SLAMF8: variants seen among roughly 807,000 people sequenced by gnomAD.
The protein encoded by SLAMF8 is SLAM family member 8.
A neutral mutation model predicts 29.0 loss-of-function variants in SLAMF8; 23 were observed. That is an observed-to-expected ratio of 0.79 (90% confidence interval 0.57 to 1.13). The LOEUF is 1.13. SLAMF8 is among the 50% of genes most tolerant of loss of function. The pLI, the probability that SLAMF8 is intolerant of heterozygous loss-of-function variation, is 0.00. For missense variants in SLAMF8, 381 were observed against 353.1 expected (o/e 1.08, Z -0.63); for synonymous variants, 139 against 145.6 (o/e 0.96, Z 0.32).
chr1:159,832,624 T>C (rs942924421), intron 2 of SLAMF8, among the ~76,000 whole-genome samples: 2 of 152,170 alleles, frequency 1.3e-5, no homozygotes, highest in African/African-American at 4.8e-5. Flanking sequence ...TGCAAATTAA[T>C]TAGGATGAGC....
intron 1 of SLAMF8, among the ~76,000 whole-genome samples, chr1:159,828,073 A>T (rs1663738016): frequency 6.6e-6 from 1 of 152,182 alleles, no homozygotes; most frequent in Non-Finnish European, 1.5e-5. Flanking sequence ...ACCTCAAGTG[A>T]TCCGCCCTCC....
In SLAMF8 at chr1:159,833,250, C is replaced by T; in HGVS notation, c.674-12C>T. 2 of 1,614,198 alleles carry T rather than the reference C, an allele frequency of 1.2e-6. No homozygotes were observed. The highest frequency in any genetic ancestry group is 1.7e-6 in the Non-Finnish European group (2 of 1,180,012). On this transcript the variant is annotated splice_polypyrimidine_tract_variant and intron_variant, in intron 3 of 4. Transcript: ENST00000289707. ...ATCAAGTCCACCTCTAACCCCACCC[C>T]TCCATGTTCAGCACCAGGGAAGGCC...
At chr1:159,830,263 A>G (rs1647403488) in intron 2 of SLAMF8, 71 bp downstream of exon 2, 4 of 1,456,542 alleles carry the variant, frequency 2.7e-6, no homozygotes, top group Admixed American at 2.4e-5. Context: ...CCTGAGTCAT[A>G]GCAGCCAGGG....
chr1:159,827,932 C>G (rs1363078847), intron 1 of SLAMF8, among the ~76,000 whole-genome samples: 1 of 151,992 alleles, frequency 6.6e-6, no homozygotes, highest in East Asian at 1.9e-4. Context: ...CTCCTGGGTT[C>G]AAGCGATTCT....
Position 159,829,984 on chromosome 1 carries a change from C to G in SLAMF8, c.159C>G (p.Leu53=), listed in dbSNP as rs1647358671. The G allele has an allele frequency of 6.2e-7, 1 of 1,614,156 alleles. No homozygotes were observed. The highest frequency in any genetic ancestry group is 8.5e-7 in the Non-Finnish European group (1 of 1,180,068). ...TCCGTGAGGCTATCTGGCGATCTCT[C>G]TGGCCTTCAGAAGAGCTCCTGGCCA... is the stretch of plus-strand genomic sequence containing the variant. ...FQVREAIWRS[L]WPSEELLATF... Residue 53 remains leucine, a synonymous_variant, in exon 2 of 5, where the codon CTC becomes CTG. Coordinates refer to ENST00000289707, the MANE Select transcript of SLAMF8 (RefSeq NM_020125.3).
Position 159,830,326 on chromosome 1 carries a change from A to T in SLAMF8, c.367+134A>T, listed in dbSNP as rs141870216. 3,251 of 948,302 alleles carry T rather than the reference A, an allele frequency of 3.4e-3. 11 individuals carry two copies. The highest frequency in any genetic ancestry group is 4.4e-3 in the Non-Finnish European group (2,932 of 663,506). The allele number at this position is 948,302 out of a possible 1,614,324, so 58.7% of individuals were successfully genotyped here. A position where few individuals can be genotyped will look rare whatever the true frequency, so the allele number is the denominator to read the frequency against. ...TCTGACCATGTTGCCGACTCAGGGA[A>T]CAGCTGCTCCCTGGCAGTCACGTCT... On this transcript the variant is annotated intron_variant, in intron 2 of 4. Transcript: ENST00000289707.
rs974399431 is a variant in SLAMF8 at position 159,836,822 on chromosome 1, CCCTTTCCCACA to C, written c.*1565_*1575del. 9.3e-5 allele frequency: 92 copies of C among 985,470 alleles called. No individual in the cohort carries two copies. The African/African-American group carries it at 1.5e-3, about 16-fold the overall frequency. The allele number at this position is 985,470 out of a possible 1,614,324, so 61.0% of individuals were successfully genotyped here. A position where few individuals can be genotyped will look rare whatever the true frequency, so the allele number is the denominator to read the frequency against. ...TAACCTGGCTTTATCAAATTCTCAT[CCCTTTCCCACA>C]CCCACTTCTCTCCTATCACCTTCCC... On this transcript the variant is annotated 3_prime_UTR_variant, in exon 5 of 5. Transcript: ENST00000289707.
Position 159,835,400 on chromosome 1 carries a change from C to T in SLAMF8, c.*140C>T. ...ATCCTGTCCTGCCTCGAAGGAGCAGCCTGGGCAGCCATCACACCACGAGGA... is the reference window on the plus strand; with the variant it reads ...ATCCTGTCCTGCCTCGAAGGAGCAGTCTGGGCAGCCATCACACCACGAGGA... On this transcript the variant is annotated 3_prime_UTR_variant, in exon 5 of 5. Coordinates refer to ENST00000289707, the MANE Select transcript of SLAMF8 (RefSeq NM_020125.3). The T allele has an allele frequency of 7.8e-6, 11 of 1,415,470 alleles. No homozygotes were observed. The highest frequency in any genetic ancestry group is 1.0e-5 in the Non-Finnish European group (11 of 1,084,856). 87.7% of individuals were successfully genotyped at this position (1,415,470 alleles called of 1,614,324 possible).
At chr1:159,833,202 C>T (rs1409841338) in intron 3 of SLAMF8, 21 bp downstream of exon 3, 10 of 1,614,018 alleles carry the variant, frequency 6.2e-6, no homozygotes, top group Non-Finnish European at 8.5e-6. Flanking sequence ...GGCCAGCAGT[C>T]AGTGGTTGAG....
intron 1 of SLAMF8, 113 bp from the exon 2 acceptor site, chr1:159,829,753 T>A: frequency 8.0e-6 from 9 of 1,118,562 alleles, no homozygotes; most frequent in Non-Finnish European, 1.2e-5. Flanking sequence ...TCAACTTGAG[T>A]GGAGGGAATG....
intron 1 of SLAMF8, among the ~76,000 whole-genome samples, chr1:159,829,575 A>AC (rs1647318352): frequency 6.6e-6 from 1 of 151,964 alleles, no homozygotes; most frequent in Non-Finnish European, 1.5e-5. Flanking sequence ...ATCCCCTGTC[A>AC]CCCTACCTGT....
Position 159,835,183 on chromosome 1 carries a change from G to A in SLAMF8, c.782-1G>A. The stretch of plus-strand genomic sequence containing the variant: ...AACTTTCTTTCTGATGTCCTTACCA[G>A]GGAAAAAGAAAAAGGATGTCCATGC... On this transcript the variant is annotated splice_acceptor_variant, in intron 4 of 4. Transcript: ENST00000289707. LOFTEE classifies it high-confidence loss of function. 10 of 1,613,804 alleles carry A rather than the reference G, an allele frequency of 6.2e-6. No homozygotes were observed. Among genetic ancestry groups the A allele is most frequent in the Non-Finnish European group, 8.5e-6 (10 of 1,179,856 alleles).
At chr1:159,832,025 T>C (rs1321469223) in intron 2 of SLAMF8, among the ~76,000 whole-genome samples, 2 of 152,200 alleles carry the variant, frequency 1.3e-5, no homozygotes, top group Non-Finnish European at 1.5e-5. Context: ...AGCCCTCCTG[T>C]TGTCACCAGA....
In SLAMF8 at chr1:159,833,309, G is replaced by C. The variant is rs1267449273; in HGVS notation, c.721G>C (p.Val241Leu). ...YKDVLLVVVP[V>L]SLLLMLVTLF... Reference sequence around the variant, plus strand: ...AGATGTGCTGCTGGTGGTGGTGCCTGTCTCGCTGCTCCTGATGCTGGTTAC... The same window carrying C: ...AGATGTGCTGCTGGTGGTGGTGCCTCTCTCGCTGCTCCTGATGCTGGTTAC... The change falls in exon 4 of 5, where the codon GTC (valine) becomes CTC (leucine). Residue 241 changes from valine (V) to leucine (L), a missense_variant. By Grantham distance (32) the Val-to-Leu change is conservative. Coordinates refer to ENST00000289707, the MANE Select transcript of SLAMF8 (RefSeq NM_020125.3). 6.2e-7 allele frequency: 1 copy of C among 1,614,080 alleles called. No homozygotes were observed. The highest frequency in any genetic ancestry group is 1.7e-5 in the Admixed American group (1 of 60,006).
chr1:159,837,019 G>C lies in SLAMF8; in HGVS notation c.*1759G>C, dbSNP rs12402918. 17 of 985,380 alleles carry C rather than the reference G, an allele frequency of 1.7e-5. No homozygotes were observed. The Admixed American group carries it at 9.8e-4, about 57-fold the overall frequency. 61.0% of individuals were successfully genotyped at this position (985,380 alleles called of 1,614,324 possible). A position where few individuals can be genotyped will look rare whatever the true frequency, so the allele number is the denominator to read the frequency against. On this transcript the variant is annotated 3_prime_UTR_variant, in exon 5 of 5. Coordinates refer to ENST00000289707, the MANE Select transcript of SLAMF8 (RefSeq NM_020125.3). Reference sequence around the variant, plus strand: ...AAAGGAAAGCCCAGGATCTGACAATGAGCCCTGGTGGATTTGTGGGGAAAA... The same window carrying C: ...AAAGGAAAGCCCAGGATCTGACAATCAGCCCTGGTGGATTTGTGGGGAAAA...
chr1:159,833,273 G>C lies in SLAMF8; in HGVS notation c.685G>C (p.Ala229Pro). Reference sequence around the variant, plus strand: ...CCCTCCATGTTCAGCACCAGGGAAGGCCTCCTACAAAGATGTGCTGCTGGT... The same window carrying C: ...CCCTCCATGTTCAGCACCAGGGAAGCCCTCCTACAAAGATGTGCTGCTGGT... ...SCHHEAAPGK[A>P]SYKDVLLVVV... is the part of the protein sequence containing the mutation. The change falls in exon 4 of 5, where the codon GCC becomes CCC. Residue 229 changes from alanine to proline, a missense_variant. Physicochemically the swap from Ala to Pro is conservative, Grantham distance 27 (BLOSUM62 -1). Transcript: ENST00000289707. The C allele has an allele frequency of 1.2e-6, 2 of 1,614,180 alleles. No individual in the cohort carries two copies. Among genetic ancestry groups the C allele is most frequent in the Non-Finnish European group, 1.7e-6 (2 of 1,180,014 alleles).
At chr1:159,829,273 G>T (rs1357887601) in intron 1 of SLAMF8, among the ~76,000 whole-genome samples, 1 of 152,036 alleles carries the variant, frequency 6.6e-6, no homozygotes, top group Admixed American at 6.6e-5. Context: ...TACCTGAGAC[G>T]CCCCATTGCT....
intron 1 of SLAMF8, among the ~76,000 whole-genome samples, chr1:159,828,441 C>A (rs765180513): frequency 1.3e-5 from 2 of 152,216 alleles, no homozygotes; most frequent in African/African-American, 2.4e-5. Context: ...TCATGGCCGA[C>A]TGAGCAACCA....
rs1647356051 is a variant in SLAMF8 at position 159,829,964 on chromosome 1, G to A, written c.139G>A (p.Glu47Lys). The change falls in exon 2 of 5, where the codon GAG becomes AAG. Residue 47 changes from glutamate (E) to lysine (K), a missense_variant. By Grantham distance (56) the Glu-to-Lys change is moderately conservative. Coordinates refer to ENST00000289707, the MANE Select transcript of SLAMF8 (RefSeq NM_020125.3). ...GCGTCCCCCTGGCTTCCAAGTCCGT[G>A]AGGCTATCTGGCGATCTCTCTGGCC... is the stretch of plus-strand genomic sequence containing the variant. Reference protein sequence around the residue: ...AARPPGFQVREAIWRSLWPSE... With the variant: ...AARPPGFQVRKAIWRSLWPSE... 3 of 1,614,156 alleles carry A rather than the reference G, an allele frequency of 1.9e-6. No homozygotes were observed. Among genetic ancestry groups the A allele is most frequent in the Non-Finnish European group, 2.5e-6 (3 of 1,180,062 alleles).
Sources: allele counts gnomAD v4.1 joint callset (sites outside exome capture counted in the v4.1 genomes callset), GRCh38; gene constraint gnomAD v4.1.1; transcripts MANE v1.5; gene names NCBI Gene and HGNC (gene_info 2026-07-23, HGNC 2026-07-21).